FLRT2: variants seen among roughly 807,000 people sequenced by gnomAD.
FLRT2 encodes the protein leucine-rich repeat transmembrane protein FLRT2.
Under a neutral mutation model 40.0 loss-of-function variants are expected in FLRT2, and 15 were observed. The observed-to-expected ratio is 0.38, with a 90% CI of 0.25 to 0.58. The LOEUF (loss-of-function observed/expected upper bound fraction) is 0.58, where lower values mean the gene tolerates loss of function less well. FLRT2 is among the 20% of genes least tolerant of loss of function. The probability of loss-of-function intolerance (pLI) is 0.71; values close to 1 mark genes in which losing one functional copy is unlikely to be tolerated. For missense variants in FLRT2, 726 were observed against 840.0 expected (o/e 0.86, Z 1.68); for synonymous variants, 380 against 336.8 (o/e 1.13, Z -1.41).
intron 1 of FLRT2, among the ~76,000 whole-genome samples, chr14:85,568,484 G>C (rs1180937221): frequency 2.0e-5 from 3 of 152,040 alleles, no homozygotes; most frequent in Non-Finnish European, 2.9e-5. Flanking sequence ...TTTTTTTCTG[G>C]TATAACCTGC....
intron 1 of FLRT2, among the ~76,000 whole-genome samples, chr14:85,534,364 A>T (rs1011027177): frequency 1.3e-5 from 2 of 152,290 alleles, no homozygotes; most frequent in Middle Eastern, 6.8e-3. Flanking sequence ...ATTTTTAAAA[A>T]ATGATTTGAG....
chr14:85,641,167 AAG>A lies in FLRT2; in HGVS notation c.*17672_*17673del, dbSNP rs1242027804. On this transcript the variant is annotated 3_prime_UTR_variant, in exon 2 of 2. Transcript: ENST00000330753. The stretch of plus-strand genomic sequence containing the variant: ...AAAACCTAACAGCCTCCAAAGACTG[AAG>A]AAGAGAGCATGGTGTTTAATGCCAG... The A allele has an allele frequency of 6.6e-6, 1 of 152,212 alleles. No individual in the cohort carries two copies. Among genetic ancestry groups the A allele is most frequent in the African/African-American group, 2.4e-5 (1 of 41,460 alleles). 9.4% of individuals were successfully genotyped at this position (152,212 alleles called of 1,614,324 possible).
In FLRT2 at chr14:85,606,198, A is replaced by C. The variant is rs531431391; in HGVS notation, c.-376-14941A>C. On this transcript the variant is annotated intron_variant, in intron 1 of 1. Coordinates refer to ENST00000330753, the MANE Select transcript of FLRT2 (RefSeq NM_013231.6). ...TGGTGAGCGCACAGCTCAATGGTTA[A>C]GAGTACTGTGTGGAGGTATTAGAAG... is the stretch of plus-strand genomic sequence containing the variant. Among the ~76,000 whole-genome samples, 103 of 152,352 alleles carry C rather than the reference A, an allele frequency of 6.8e-4. No homozygotes were observed. In the Middle Eastern group the frequency reaches 0.01, roughly 15 times the overall value.
chr14:85,602,229 T>G (rs894227507), intron 1 of FLRT2, among the ~76,000 whole-genome samples: 3 of 152,204 alleles, frequency 2.0e-5, no homozygotes, highest in Non-Finnish European at 1.5e-5. Context: ...AAAATACACA[T>G]GTACCTACTT....
intron 1 of FLRT2, among the ~76,000 whole-genome samples, chr14:85,608,392 C>T (rs1217700178): frequency 6.6e-6 from 1 of 151,956 alleles, no homozygotes; most frequent in African/African-American, 2.4e-5. Flanking sequence ...TGCCACCATG[C>T]CTGGCTAAAT....
intron 1 of FLRT2, among the ~76,000 whole-genome samples, chr14:85,539,349 G>A (rs1477666994): frequency 6.8e-6 from 1 of 147,560 alleles, no homozygotes; most frequent in East Asian, 2.0e-4. Flanking sequence ...CACCCAAAAT[G>A]ATGAGAGTTG....
intron 1 of FLRT2, among the ~76,000 whole-genome samples, chr14:85,595,609 A>T (rs1892102804): frequency 6.6e-6 from 1 of 152,308 alleles, no homozygotes; most frequent in East Asian, 1.9e-4. Flanking sequence ...TGTGGAAGAA[A>T]GAACCCTTTG....
intron 1 of FLRT2, among the ~76,000 whole-genome samples, chr14:85,609,254 A>G (rs1892756544): frequency 6.6e-6 from 1 of 152,174 alleles, no homozygotes; most frequent in Admixed American, 6.5e-5. Context: ...GATGGAACCT[A>G]GAAGGAGCAA....
intron 1 of FLRT2, among the ~76,000 whole-genome samples, chr14:85,603,647 T>C (rs1784571178): frequency 6.6e-6 from 1 of 152,118 alleles, no homozygotes; most frequent in African/African-American, 2.4e-5. Context: ...GGCGGGCAGA[T>C]CACCTGAGGT....
rs1894175308 is a variant in FLRT2 at position 85,642,565 on chromosome 14, A to C, written c.*19068A>C. On this transcript the variant is annotated 3_prime_UTR_variant, in exon 2 of 2. Coordinates refer to ENST00000330753, the MANE Select transcript of FLRT2 (RefSeq NM_013231.6). Reference sequence around the variant, plus strand: ...AAAAGGCTAAAATAACAACAAAAAAACGGCAATAGTTTGTTATTTTTTATC... The same window carrying C: ...AAAAGGCTAAAATAACAACAAAAAACCGGCAATAGTTTGTTATTTTTTATC... 1 of 152,188 alleles carries C rather than the reference A, an allele frequency of 6.6e-6. No homozygotes were observed. Among genetic ancestry groups the C allele is most frequent in the Admixed American group, 6.5e-5 (1 of 15,286 alleles). 9.4% of individuals were successfully genotyped at this position (152,188 alleles called of 1,614,324 possible). A position where few individuals can be genotyped will look rare whatever the true frequency, so the allele number is the denominator to read the frequency against.
At chr14:85,536,720 T>TCTGGATTTCTA (rs1198524066) in intron 1 of FLRT2, among the ~76,000 whole-genome samples, 1 of 152,120 alleles carries the variant, frequency 6.6e-6, no homozygotes, top group Non-Finnish European at 1.5e-5. Flanking sequence ...TGTAGTTCTT[T>TCTGGATTTCTA]CTGGATATTT....
chr14:85,600,887 G>A (rs1339091658), intron 1 of FLRT2, among the ~76,000 whole-genome samples: 1 of 152,170 alleles, frequency 6.6e-6, no homozygotes, highest in Non-Finnish European at 1.5e-5. Flanking sequence ...GTGTTATGCT[G>A]CACAGAGTGT....
At position 85,642,143 on chromosome 14, in the gene FLRT2, AAAAAG is replaced by A. The variant is rs1894164448; in HGVS notation, c.*18650_*18654del. On this transcript the variant is annotated 3_prime_UTR_variant, in exon 2 of 2. Coordinates refer to ENST00000330753, the MANE Select transcript of FLRT2 (RefSeq NM_013231.6). The stretch of plus-strand genomic sequence containing the variant: ...AAGGTTGCTGTTGACAAAAAAAAAA[AAAAAG>A]AAAGAAAGAAAAAAATGGCACACAG... 1 of 150,470 alleles carries A rather than the reference AAAAAG, an allele frequency of 6.6e-6. No homozygotes were observed. Among genetic ancestry groups the A allele is most frequent in the Non-Finnish European group, 1.5e-5 (1 of 67,592 alleles). 9.3% of individuals were successfully genotyped at this position (150,470 alleles called of 1,614,324 possible). A position where few individuals can be genotyped will look rare whatever the true frequency, so the allele number is the denominator to read the frequency against.
chr14:85,594,094 G>A (rs1347128152), intron 1 of FLRT2, among the ~76,000 whole-genome samples: 2 of 151,948 alleles, frequency 1.3e-5, no homozygotes, highest in Non-Finnish European at 2.9e-5. Flanking sequence ...AAAATTCCTA[G>A]TCATCTTATA....
In FLRT2 at chr14:85,643,295, C is replaced by CTTTCTTTCTTTCTTTCTTTCTTTA. The variant is rs1894199029; in HGVS notation, c.*19821_*19822insATTTCTTTCTTTCTTTCTTTCTTT. On this transcript the variant is annotated 3_prime_UTR_variant, in exon 2 of 2. Coordinates refer to ENST00000330753, the MANE Select transcript of FLRT2 (RefSeq NM_013231.6). ...AGTTCAGAGGGTATTTCTTTTTTTT[C>CTTTCTTTCTTTCTTTCTTTCTTTA]TTTCTTTCTTTCTTTCTTTCTTTCT... 1.1e-5 allele frequency: 1 copy of CTTTCTTTCTTTCTTTCTTTCTTTA among 88,798 alleles called. No individual in the cohort carries two copies. Among genetic ancestry groups the CTTTCTTTCTTTCTTTCTTTCTTTA allele is most frequent in the African/African-American group, 6.0e-5 (1 of 16,680 alleles). 5.5% of individuals were successfully genotyped at this position (88,798 alleles called of 1,614,324 possible). A position where few individuals can be genotyped will look rare whatever the true frequency, so the allele number is the denominator to read the frequency against.
At chr14:85,566,125 T>C (rs1890604663) in intron 1 of FLRT2, among the ~76,000 whole-genome samples, 1 of 152,166 alleles carries the variant, frequency 6.6e-6, no homozygotes, top group African/African-American at 2.4e-5. Flanking sequence ...AATTTGCAAG[T>C]GCTATTATGC....
chr14:85,556,808 G>A (rs546867220), intron 1 of FLRT2, among the ~76,000 whole-genome samples: 32 of 152,286 alleles, frequency 2.1e-4, no homozygotes, highest in African/African-American at 7.2e-4. Flanking sequence ...CACAATTTCT[G>A]TACCTTTTGT....
Position 85,623,253 on chromosome 14 carries a change from A to G in FLRT2, c.1739A>G (p.Asn580Ser). The G allele has an allele frequency of 2.6e-6, 4 of 1,516,054 alleles. No homozygotes were observed. The highest frequency in any genetic ancestry group is 3.5e-6 in the Non-Finnish European group (4 of 1,132,588). The allele number at this position is 1,516,054 out of a possible 1,614,324, so 93.9% of individuals were successfully genotyped here. ...TACACCTCCCAGAAGTGGAAATACAACCGGGGCCGGCGGAAAGATGATTAT... is the reference window on the plus strand; with the variant it reads ...TACACCTCCCAGAAGTGGAAATACAGCCGGGGCCGGCGGAAAGATGATTAT... ...GRYTSQKWKY[N>S]RGRRKDDYCE... Residue 580 changes from asparagine to serine, a missense_variant, in exon 2 of 2, where the codon AAC (asparagine) becomes AGC (serine). Asn to Ser is a conservative substitution (Grantham distance 46, BLOSUM62 1). Around this residue, in one of 3 missense-constraint regions of FLRT2, gnomAD observed 611 missense variants for 690.0 expected, o/e 0.89. Transcript: ENST00000330753.
rs978675444 is a variant in FLRT2 at position 85,644,417 on chromosome 14, C to T, written c.*20920C>T. ...GAATTACTCTCAGGCCCTTGATTAT[C>T]TTATCATACCAGAGGATGTCCCACA... On this transcript the variant is annotated 3_prime_UTR_variant, in exon 2 of 2. Transcript: ENST00000330753. 2 of 152,174 alleles carry T rather than the reference C, an allele frequency of 1.3e-5. No individual in the cohort carries two copies. The highest frequency in any genetic ancestry group is 1.3e-4 in the Admixed American group (2 of 15,274). 9.4% of individuals were successfully genotyped at this position (152,174 alleles called of 1,614,324 possible). A position where few individuals can be genotyped will look rare whatever the true frequency, so the allele number is the denominator to read the frequency against.
Sources: gnomAD v4.1 joint callset for allele counts (sites outside exome capture counted in the v4.1 genomes callset) on GRCh38, gnomAD v4.1.1 for gene constraint, gnomAD v4.1.1 regional missense constraint, MANE v1.5 for transcripts, NCBI Gene and HGNC (gene_info 2026-07-23, HGNC 2026-07-21) for gene names.